MVK: variants seen among roughly 807,000 people sequenced by gnomAD.
The protein encoded by MVK is LH receptor mRNA-binding protein.
A neutral mutation model predicts 43.2 loss-of-function variants in MVK; 34 were observed. The ratio of observed to expected loss-of-function variants is 0.79; its 90% CI spans 0.60 to 1.05. The LOEUF (loss-of-function observed/expected upper bound fraction) is 1.05. Ranked by LOEUF, MVK falls within the 50% of genes least tolerant of loss-of-function variation. The pLI, the probability that MVK is intolerant of heterozygous loss-of-function variation, is 0.00. For missense variants in MVK, 395 were observed against 504.0 expected, an observed-to-expected ratio of 0.78 and a Z score of 2.07; for synonymous variants, 190 against 219.8, an observed-to-expected ratio of 0.86 and a Z score of 1.20.
intron 9 of MVK, among the ~76,000 whole-genome samples, chr12:109,593,998 G>A (rs947952079): frequency 1.3e-5 from 2 of 151,820 alleles, no homozygotes; most frequent in African/African-American, 4.8e-5. Context: ...GATTAAAGAC[G>A]TGAGCCACCA....
chr12:109,586,941 G>C, intron 7 of MVK, 142 bp downstream of exon 7: 1 of 954,194 alleles, frequency 1.0e-6, no homozygotes, highest in Middle Eastern at 3.1e-4. Context: ...CAGTGCACTA[G>C]CTGCAAGGAA....
Position 109,586,805 on chromosome 12 carries a change from CT to C in MVK, c.677+7del, listed in dbSNP as rs2136238231. ...AAGATTTCATCCTTAAAGAGGTAAC[CT>C]GGGGGTGGAGCAGCACATTCAGCCA... On this transcript the variant is annotated splice_region_variant and intron_variant, in intron 7 of 10. Transcript: ENST00000228510. 1 of 1,614,090 alleles carries C rather than the reference CT, an allele frequency of 6.2e-7. No homozygotes were observed. Among genetic ancestry groups the C allele is most frequent in the Non-Finnish European group, 8.5e-7 (1 of 1,179,994 alleles).
rs374204972 is a variant in MVK at position 109,579,924 on chromosome 12, C to T, written c.349C>T (p.Leu117=). 114 of 1,614,214 alleles carry T rather than the reference C, an allele frequency of 7.1e-5. No homozygotes were observed. The highest frequency in any genetic ancestry group is 1.2e-4 in the South Asian group (11 of 91,086). ...TGTGCTGGCCTTTCTTTACTTATAC[C>T]TGTCCATCTGCCGGAAGCAGAGGTG... ...LAVLAFLYLY[L]SICRKQRALP... The change falls in exon 4 of 11, where the codon CTG becomes TTG. Residue 117 remains leucine, a synonymous_variant. Transcript: ENST00000228510.
chr12:109,591,429 G>A, intron 9 of MVK, 72 bp downstream of exon 9: 1 of 1,442,546 alleles, frequency 6.9e-7, no homozygotes, highest in East Asian at 2.3e-5. Context: ...TCTGCAATCT[G>A]GCTGTGCTCA....
At chr12:109,577,839 C>T (rs774167008) in intron 3 of MVK, among the ~76,000 whole-genome samples, 1 of 152,186 alleles carries the variant, frequency 6.6e-6, no homozygotes, top group Non-Finnish European at 1.5e-5. Flanking sequence ...TCCTTTGGAG[C>T]GTGCATCTGA....
At chr12:109,585,101 T>A (rs1885378617) in intron 5 of MVK, among the ~76,000 whole-genome samples, 1 of 152,204 alleles carries the variant, frequency 6.6e-6, no homozygotes, top group Admixed American at 6.5e-5. Flanking sequence ...ATTTAAACTG[T>A]TTGTGAGCCC....
At chr12:109,591,737 T>A (rs1421245579) in intron 9 of MVK, among the ~76,000 whole-genome samples, 1 of 152,234 alleles carries the variant, frequency 6.6e-6, no homozygotes, top group African/African-American at 2.4e-5. Flanking sequence ...CTGCTATTGC[T>A]AACTTCATGG....
upstream of MVK, chr12:109,573,491 G>A: frequency 1.9e-6 from 3 of 1,596,426 alleles, no homozygotes; most frequent in Middle Eastern, 1.9e-4. Flanking sequence ...GAGCCAGGCT[G>A]CTTGACGGGA....
In MVK at chr12:109,595,026, A is replaced by T; in HGVS notation, c.886-2A>T. Reference sequence around the variant, plus strand: ...GGGAACAGATGGAACCTTCTCCCCTAGGAGCTCATTGACATGAACCAGCAC... The same window carrying T: ...GGGAACAGATGGAACCTTCTCCCCTTGGAGCTCATTGACATGAACCAGCAC... On this transcript the variant is annotated splice_acceptor_variant, in intron 9 of 10. Transcript: ENST00000228510. LOFTEE classifies it high-confidence loss of function. This position sits in a 1 kb window ranked among gnomAD's most constrained non-coding sequence, Gnocchi z 5.9. 1 of 1,614,166 alleles carries T rather than the reference A, an allele frequency of 6.2e-7. No individual in the cohort carries two copies. The highest frequency in any genetic ancestry group is 1.1e-5 in the South Asian group (1 of 91,086).
At chr12:109,585,554 A>C (rs1236923625) in intron 5 of MVK, among the ~76,000 whole-genome samples, 1 of 152,148 alleles carries the variant, frequency 6.6e-6, no homozygotes, top group Non-Finnish European at 1.5e-5. Flanking sequence ...TGGGAGGCCA[A>C]AGCGGGCGTT....
intron 3 of MVK, chr12:109,579,172 C>A: frequency 2.4e-6 from 1 of 411,858 alleles, no homozygotes; most frequent in Admixed American, 2.9e-5. Context: ...CAGGGTCTCA[C>A]TCTGTTATGC....
Position 109,581,399 on chromosome 12 carries a change from C to A in MVK, c.376C>A (p.Leu126Met). The A allele has an allele frequency of 6.2e-7, 1 of 1,613,912 alleles. No individual in the cohort carries two copies. Among genetic ancestry groups the A allele is most frequent in the Non-Finnish European group, 8.5e-7 (1 of 1,180,006 alleles). The change falls in exon 5 of 11, where the codon CTG (leucine) becomes ATG (methionine). Residue 126 changes from leucine (L) to methionine (M), a missense_variant. Coordinates refer to ENST00000228510, the MANE Select transcript of MVK (RefSeq NM_000431.4). ...YLSICRKQRA[L>M]PSLDIVVWSE... Reference sequence around the variant, plus strand: ...TCACACCCTGGTGTGTTTCAGGGCCCTGCCGAGCCTGGATATCGTAGTGTG... The same window carrying A: ...TCACACCCTGGTGTGTTTCAGGGCCATGCCGAGCCTGGATATCGTAGTGTG...
At position 109,591,060 on chromosome 12, in the gene MVK, G is replaced by A. The variant is rs761596195; in HGVS notation, c.769-181G>A. ...CAGGAAAATGACAGTGGTCGGGCTC[G>A]TTAGACACACTGACTTTGCAGCTGG... On this transcript the variant is annotated intron_variant, in intron 8 of 10. Coordinates refer to ENST00000228510, the MANE Select transcript of MVK (RefSeq NM_000431.4). 1.4e-4 allele frequency among the ~76,000 whole-genome samples: 22 copies of A among 152,194 alleles called. No individual in the cohort carries two copies. Among genetic ancestry groups the A allele is most frequent in the Non-Finnish European group, 2.9e-4 (20 of 68,044 alleles).
At position 109,596,646 on chromosome 12, in the gene MVK, ACTCTGTGCTGGCCAGCGAGCGCCCAG is replaced by A; in HGVS notation, c.*73_*98del. ...GGATTATTCTGGGGGCTGCAGTTCG[ACTCTGTGCTGGCCAGCGAGCGCCCAG>A]CTCCTGACACTGCTGGAGAGGCCCC... On this transcript the variant is annotated 3_prime_UTR_variant, in exon 11 of 11. Transcript: ENST00000228510. The A allele has an allele frequency of 6.3e-7, 1 of 1,580,186 alleles. No individual in the cohort carries two copies. The highest frequency in any genetic ancestry group is 1.3e-5 in the African/African-American group (1 of 74,338).
At chr12:109,592,936 C>T (rs1885746106) in intron 9 of MVK, among the ~76,000 whole-genome samples, 1 of 152,238 alleles carries the variant, frequency 6.6e-6, no homozygotes, top group Admixed American at 6.5e-5. Context: ...GCCTAAAATA[C>T]ACCCTGTCGA....
At chr12:109,583,316 T>A (rs1269312559) in intron 5 of MVK, among the ~76,000 whole-genome samples, 1 of 152,130 alleles carries the variant, frequency 6.6e-6, no homozygotes, top group Non-Finnish European at 1.5e-5. Context: ...TTCTCATTGT[T>A]CAATTCCCAC....
chr12:109,580,187 C>T (rs1271636467), intron 4 of MVK, among the ~76,000 whole-genome samples: 3 of 152,180 alleles, frequency 2.0e-5, no homozygotes, highest in African/African-American at 2.4e-5. Context: ...ACTCCAGCCT[C>T]GACCTCCCAG....
chr12:109,584,489 A>G (rs1885355002), intron 5 of MVK, among the ~76,000 whole-genome samples: 1 of 152,172 alleles, frequency 6.6e-6, no homozygotes, highest in Admixed American at 6.5e-5. Flanking sequence ...ATCCTCAGTG[A>G]GATAGACACT....
At chr12:109,583,293 CTGTGTCCA>C (rs1170635426) in intron 5 of MVK, among the ~76,000 whole-genome samples, 1 of 152,072 alleles carries the variant, frequency 6.6e-6, no homozygotes, top group East Asian at 1.9e-4. Context: ...GTTCCCCTTC[CTGTGTCCA>C]TGTGTTCTCA....
Sources: gnomAD v4.1 joint callset for allele counts (sites outside exome capture counted in the v4.1 genomes callset) on GRCh38, gnomAD v4.1.1 for gene constraint, Gnocchi (gnomAD v3.1) non-coding constraint, MANE v1.5 for transcripts, NCBI Gene and HGNC (gene_info 2026-07-23, HGNC 2026-07-21) for gene names.